The following CNTN6 variants were observed in gnomAD, a reference collection of about 807,000 sequenced individuals.
CNTN6 encodes contactin 6.
A neutral mutation model predicts 122.8 loss-of-function variants in CNTN6; 137 were observed. The observed-to-expected ratio is 1.12, with a 90% CI of 0.97 to 1.29. CNTN6 has a LOEUF of 1.29. CNTN6 is among the 50% of genes most tolerant of loss of function. The pLI, the probability that CNTN6 is intolerant of heterozygous loss-of-function variation, is 0.00. For synonymous variants in CNTN6, 570 were observed against 426.0 expected, an observed-to-expected ratio of 1.34 and a Z score of -4.16; for missense variants, 1,634 against 1,223.4, an observed-to-expected ratio of 1.34 and a Z score of -5.01.
At chr3:1,195,647 T>A (rs1362664042) in intron 2 of CNTN6, among the ~76,000 whole-genome samples, 2 of 152,216 alleles carry the variant, frequency 1.3e-5, no homozygotes, top group Non-Finnish European at 2.9e-5. Context: ...AGCCTTTGTT[T>A]AGGCTCCACC....
chr3:1,320,343 T>A (rs1051951264), intron 7 of CNTN6, among the ~76,000 whole-genome samples: 4 of 151,670 alleles, frequency 2.6e-5, no homozygotes, highest in Non-Finnish European at 5.9e-5. Context: ...TTGATGTACA[T>A]AGGAGGATAA....
At position 1,382,994 on chromosome 3, in the gene CNTN6, T is replaced by C. The variant is rs749963205; in HGVS notation, c.2219T>C (p.Phe740Ser). ...NGEGFGYIIM[F>S]RPVGSTTWSK... is the part of the protein sequence containing the mutation. ...GAGGGATTTGGATATATCATCATGTTCCGGCCAGTGGGCTCGACAACCTGG... is the reference window on the plus strand; with the variant it reads ...GAGGGATTTGGATATATCATCATGTCCCGGCCAGTGGGCTCGACAACCTGG... The change falls in exon 18 of 23, where the codon TTC becomes TCC. Residue 740 changes from phenylalanine to serine, a missense_variant. Transcript: ENST00000446702. The C allele has an allele frequency of 2.5e-6, 4 of 1,614,134 alleles. No homozygotes were observed. Among genetic ancestry groups the C allele is most frequent in the Non-Finnish European group, 8.5e-7 (1 of 1,179,964 alleles).
intron 1 of CNTN6, among the ~76,000 whole-genome samples, chr3:1,099,260 G>A (rs1267915503): frequency 6.6e-6 from 1 of 152,100 alleles, no homozygotes; most frequent in African/African-American, 2.4e-5. Flanking sequence ...GACCATCCTG[G>A]CTAACACGGT....
Position 1,312,589 on chromosome 3 carries a change from G to A in CNTN6, c.762-9061G>A, listed in dbSNP as rs1257962931. Reference sequence around the variant, plus strand: ...AATATGTTTTAAAAAGATAGTCTCCGTGATTTCACCTTTTGCCTCTTATAC... The same window carrying A: ...AATATGTTTTAAAAAGATAGTCTCCATGATTTCACCTTTTGCCTCTTATAC... On this transcript the variant is annotated intron_variant, in intron 7 of 22. Coordinates refer to ENST00000446702, the MANE Select transcript of CNTN6 (RefSeq NM_001289080.2). Among the ~76,000 whole-genome samples the A allele has an allele frequency of 6.9e-5, 10 of 145,130 alleles. No homozygotes were observed. The South Asian group carries it at 9.0e-4, about 13-fold the overall frequency.
intron 20 of CNTN6, among the ~76,000 whole-genome samples, chr3:1,400,558 G>C (rs57983619): frequency 0.014 from 2,068 of 152,222 alleles, 49 homozygotes; most frequent in African/African-American, 0.047. Flanking sequence ...TGATCAATCA[G>C]TTTGTGATGA....
At chr3:1,384,171 T>G (rs953569354) in intron 19 of CNTN6, among the ~76,000 whole-genome samples, 1 of 152,212 alleles carries the variant, frequency 6.6e-6, no homozygotes, top group Non-Finnish European at 1.5e-5. Flanking sequence ...TCAACAATTA[T>G]GCATTGTACC....
chr3:1,129,249 A>G (rs2092269081), intron 1 of CNTN6, among the ~76,000 whole-genome samples: 1 of 152,036 alleles, frequency 6.6e-6, no homozygotes, highest in Non-Finnish European at 1.5e-5. Flanking sequence ...TATGCTGCCA[A>G]GATAATGTGC....
rs1031002034 is a variant in CNTN6, at chr3:1,106,964, T to TTATC, written c.-83+13858_-83+13861dup. ...GAGAAATAGAACGAATAGTGCCACA[T>TTATC]TATCTATCTATCTATCTCTCTAAAT... is the stretch of plus-strand genomic sequence containing the variant. On this transcript the variant is annotated intron_variant, in intron 1 of 22. Transcript: ENST00000446702. Among the ~76,000 whole-genome samples the TTATC allele has an allele frequency of 1.0e-3, 156 of 152,230 alleles. 1 individual carries two copies. The highest frequency in any genetic ancestry group is 3.7e-3 in the African/African-American group (153 of 41,542).
chr3:1,319,331 A>C (rs1700527436), intron 7 of CNTN6, among the ~76,000 whole-genome samples: 1 of 151,684 alleles, frequency 6.6e-6, no homozygotes, highest in African/African-American at 2.4e-5. Flanking sequence ...AATGAATCCC[A>C]GCTCCGCCTC....
rs73816302 is a variant in CNTN6, at chr3:1,318,210, C to A, written c.762-3440C>A. Reference sequence around the variant, plus strand: ...TCTCTTTTAAGTCTCATGTCTCTTGCGTTTCTTGCCTTTTGCTATCATTCT... The same window carrying A: ...TCTCTTTTAAGTCTCATGTCTCTTGAGTTTCTTGCCTTTTGCTATCATTCT... On this transcript the variant is annotated intron_variant, in intron 7 of 22. Coordinates refer to ENST00000446702, the MANE Select transcript of CNTN6 (RefSeq NM_001289080.2). Among the ~76,000 whole-genome samples the A allele has an allele frequency of 4.0e-5, 6 of 151,814 alleles. 1 individual carries two copies. Among genetic ancestry groups the A allele is most frequent in the African/African-American group, 1.4e-4 (6 of 41,478 alleles).
chr3:1,343,062 A>G (rs1704134140), intron 11 of CNTN6, among the ~76,000 whole-genome samples: 1 of 152,144 alleles, frequency 6.6e-6, no homozygotes, highest in Non-Finnish European at 1.5e-5. Context: ...CAAGATGATG[A>G]AGAACTTTAT....
At chr3:1,385,491 TCA>T in intron 19 of CNTN6, 118 bp from the exon 20 acceptor site, 2 of 656,200 alleles carry the variant, frequency 3.0e-6, no homozygotes, top group Non-Finnish European at 4.9e-6. Flanking sequence ...AACGTTTTTG[TCA>T]TCTATACTTC....
At position 1,245,032 on chromosome 3, in the gene CNTN6, G is replaced by T. The variant is rs547896749; in HGVS notation, c.358+17039G>T. ...GATCTTCAGTTACTTCAGGCCATCT[G>T]GATGTATACGTGCAAGTTACAGGGG... On this transcript the variant is annotated intron_variant, in intron 4 of 22. Coordinates refer to ENST00000446702, the MANE Select transcript of CNTN6 (RefSeq NM_001289080.2). Among the ~76,000 whole-genome samples, 1,131 of 148,908 alleles carry T rather than the reference G, an allele frequency of 7.6e-3. 13 individuals carry two copies. The highest frequency in any genetic ancestry group is 0.026 in the African/African-American group (1,029 of 40,330).
intron 4 of CNTN6, among the ~76,000 whole-genome samples, chr3:1,275,742 C>G (rs1692224610): frequency 2.0e-5 from 3 of 152,144 alleles, no homozygotes; most frequent in Admixed American, 2.0e-4. Flanking sequence ...GGATCCCTCA[C>G]ATGCGCGGTT....
intron 11 of CNTN6, among the ~76,000 whole-genome samples, chr3:1,345,305 G>A (rs1024036343): frequency 4.6e-5 from 7 of 151,790 alleles, no homozygotes; most frequent in Non-Finnish European, 1.0e-4. Context: ...CAGTACAGAC[G>A]GGGTTTCACC....
intron 4 of CNTN6, among the ~76,000 whole-genome samples, chr3:1,234,474 AAT>A (rs1438374506): frequency 2.0e-5 from 3 of 152,150 alleles, no homozygotes; most frequent in African/African-American, 7.2e-5. Flanking sequence ...ATATATAAGA[AAT>A]ATAAAAGCAG....
intron 10 of CNTN6, 99 bp downstream of exon 10, chr3:1,327,685 G>A (rs865842287): frequency 1.9e-4 from 229 of 1,201,110 alleles, no homozygotes; most frequent in Middle Eastern, 1.5e-3. Flanking sequence ...ATTAGAAATT[G>A]CTGTCCCATC....
chr3:1,297,028 C>G (rs946366710), intron 6 of CNTN6, among the ~76,000 whole-genome samples: 2 of 151,886 alleles, frequency 1.3e-5, no homozygotes, highest in Non-Finnish European at 2.9e-5. Context: ...TATCAGATGT[C>G]AAGAAAGTGA....
At chr3:1,107,930 A>G (rs1023113835) in intron 1 of CNTN6, among the ~76,000 whole-genome samples, 6 of 152,094 alleles carry the variant, frequency 3.9e-5, no homozygotes, top group African/African-American at 1.4e-4. Flanking sequence ...GGGACTCCCC[A>G]AAAGTTACCT....
Sources: gnomAD v4.1 joint callset for allele counts (sites outside exome capture counted in the v4.1 genomes callset) on GRCh38, gnomAD v4.1.1 for gene constraint, MANE v1.5 for transcripts, NCBI Gene and HGNC (gene_info 2026-07-23, HGNC 2026-07-21) for gene names.